TOM1L1: variants seen among roughly 807,000 people sequenced by gnomAD.
The protein encoded by TOM1L1 is TOM1-like protein 1.
A neutral mutation model predicts 63.4 loss-of-function variants in TOM1L1; 64 were observed. The ratio of observed to expected loss-of-function variants is 1.01; its 90% CI spans 0.83 to 1.24. The LOEUF (loss-of-function observed/expected upper bound fraction) is 1.24. Among genes scored for constraint, TOM1L1 ranks in the 50% most tolerant of loss-of-function variants. The pLI, the probability that TOM1L1 is intolerant of heterozygous loss-of-function variation, is 0.00. For synonymous variants in TOM1L1, 166 were observed against 194.4 expected, an observed-to-expected ratio of 0.85 and a Z score of 1.22; for missense variants, 536 against 567.0, an observed-to-expected ratio of 0.95 and a Z score of 0.55.
intron 14 of TOM1L1, among the ~76,000 whole-genome samples, chr17:54,960,248 C>A (rs60736080): frequency 0.29 from 44,599 of 151,810 alleles, 6,870 homozygotes; most frequent in African/African-American, 0.35. Flanking sequence ...CCCTGTAATC[C>A]CAGCTACTCG....
At chr17:54,902,135 G>A (rs950377121) in intron 1 of TOM1L1, among the ~76,000 whole-genome samples, 9 of 152,156 alleles carry the variant, frequency 5.9e-5, no homozygotes, top group African/African-American at 2.2e-4. Flanking sequence ...GTTTTGTGTG[G>A]CACCTTTGCA....
intron 1 of TOM1L1, among the ~76,000 whole-genome samples, chr17:54,901,422 G>C (rs917446884): frequency 2.0e-5 from 3 of 152,218 alleles, no homozygotes; most frequent in African/African-American, 7.2e-5. Context: ...TTACTTTTCT[G>C]GGTAAACAAA....
intron 11 of TOM1L1, among the ~76,000 whole-genome samples, chr17:54,942,839 T>C (rs2049053755): frequency 6.6e-6 from 1 of 152,188 alleles, no homozygotes; most frequent in African/African-American, 2.4e-5. Flanking sequence ...GTCACACCCT[T>C]GTACCCCTGA....
At chr17:54,940,779 C>T (rs2049021868) in intron 11 of TOM1L1, among the ~76,000 whole-genome samples, 1 of 151,284 alleles carries the variant, frequency 6.6e-6, no homozygotes, top group Non-Finnish European at 1.5e-5. Flanking sequence ...CATAAAGAAA[C>T]AAGAATGATA....
intron 7 of TOM1L1, among the ~76,000 whole-genome samples, chr17:54,919,249 T>G (rs1013779940): frequency 6.6e-6 from 1 of 152,208 alleles, no homozygotes; most frequent in Non-Finnish European, 1.5e-5. Context: ...TAAACTAAAA[T>G]TGAAAAATTA....
Position 54,908,108 on chromosome 17 carries a change from T to A in TOM1L1, c.222+2541T>A, listed in dbSNP as rs183869280. Among the ~76,000 whole-genome samples, 73 of 152,284 alleles carry A rather than the reference T, an allele frequency of 4.8e-4. 2 individuals are homozygous for A. The highest frequency in any genetic ancestry group is 3.7e-3 in the East Asian group (19 of 5,184). The stretch of plus-strand genomic sequence containing the variant: ...TTCCCATTATCTGTTCCACCTCAGA[T>A]CTGTAGCTCCCTTACCTCGTGGTTT... On this transcript the variant is annotated intron_variant, in intron 3 of 15. Transcript: ENST00000575882.
intron 8 of TOM1L1, among the ~76,000 whole-genome samples, chr17:54,930,898 G>C (rs998878398): frequency 1.3e-5 from 2 of 151,974 alleles, no homozygotes; most frequent in South Asian, 2.1e-4. Context: ...AGCTGGGTGT[G>C]GTGGTCCTAG....
At chr17:54,921,358 AT>A (rs912067047) in intron 7 of TOM1L1, among the ~76,000 whole-genome samples, 92 of 152,334 alleles carry the variant, frequency 6.0e-4, no homozygotes, top group African/African-American at 2.1e-3. Flanking sequence ...TCTATATAGC[AT>A]TTTTTAAATT....
rs554395095 is a variant in TOM1L1 at position 54,943,266 on chromosome 17, T to C, written c.1131-3995T>C. 2.6e-5 allele frequency among the ~76,000 whole-genome samples: 4 copies of C among 152,310 alleles called. No individual in the cohort carries two copies. In the East Asian group the frequency reaches 7.7e-4, roughly 29 times the overall value. On this transcript the variant is annotated intron_variant, in intron 11 of 15. Transcript: ENST00000575882. ...TTCTCATAATCTCTTTTAATTGATA[T>C]GTTAGGCAATTTACATTTAATTTAA...
chr17:54,904,152 G>A (rs2143723206), intron 2 of TOM1L1, among the ~76,000 whole-genome samples: 1 of 152,238 alleles, frequency 6.6e-6, no homozygotes, highest in African/African-American at 2.4e-5. Context: ...CGGATCATGA[G>A]GTCGGGAGAT....
intron 1 of TOM1L1, chr17:54,901,152 C>T (rs60584762): frequency 0.015 from 9,036 of 616,560 alleles, 280 homozygotes; most frequent in African/African-American, 0.078. Flanking sequence ...ACCTTCCTTT[C>T]GATGCCGCCT....
intron 10 of TOM1L1, 182 bp downstream of exon 10, chr17:54,937,408 G>C (rs932929504): frequency 1.6e-4 from 92 of 583,132 alleles, no homozygotes; most frequent in African/African-American, 1.5e-3. Flanking sequence ...ATAGCAATGG[G>C]ATGTGTCTGG....
chr17:54,919,872 A>T (rs897059410), intron 7 of TOM1L1, among the ~76,000 whole-genome samples: 3 of 152,174 alleles, frequency 2.0e-5, no homozygotes, highest in African/African-American at 4.8e-5. Context: ...TTCTATGGAG[A>T]AAAAGGACAA....
At position 54,905,559 on chromosome 17, in the gene TOM1L1, A is replaced by G. The variant is rs1316703025; in HGVS notation, c.214A>G (p.Thr72Ala). The G allele has an allele frequency of 1.3e-6, 2 of 1,581,690 alleles. No homozygotes were observed. Among genetic ancestry groups the G allele is most frequent in the East Asian group, 2.2e-5 (1 of 44,688 alleles). Residue 72 changes from threonine (T) to alanine (A), a missense_variant, in exon 3 of 16, where the codon ACC becomes GCC. Thr to Ala is a moderately conservative substitution (Grantham distance 58, BLOSUM62 0). Coordinates refer to ENST00000575882, the MANE Select transcript of TOM1L1 (RefSeq NM_005486.3). ...KNYNHKEIQL[T>A]LSLIDMCVQN... ...CTACAATCATAAAGAAATCCAACTTACCTTGTCAGTAAGTACTTTAATTTT... is the reference window on the plus strand; with the variant it reads ...CTACAATCATAAAGAAATCCAACTTGCCTTGTCAGTAAGTACTTTAATTTT...
intron 14 of TOM1L1, among the ~76,000 whole-genome samples, chr17:54,956,484 A>G (rs8066744): frequency 6.6e-6 from 1 of 151,934 alleles, no homozygotes; most frequent in African/African-American, 2.4e-5. Context: ...TTTTTTGTAT[A>G]TTTAGTAGAG....
rs773856127 is a variant in TOM1L1 at position 54,930,109 on chromosome 17, A to G, written c.757A>G (p.Ile253Val). The change falls in exon 8 of 16, where the codon ATC becomes GTC. Residue 253 changes from isoleucine to valine, a missense_variant. Physicochemically the swap from Ile to Val is conservative, Grantham distance 29 (BLOSUM62 3). Transcript: ENST00000575882. ...AACAGGTCGGGAGATGCAGGAGAGGATCATGGACCTGCTTGTGGTGGTGGA... is the reference window on the plus strand; with the variant it reads ...AACAGGTCGGGAGATGCAGGAGAGGGTCATGGACCTGCTTGTGGTGGTGGA... ...YKTGREMQER[I>V]MDLLVVVENE... 31 of 1,614,014 alleles carry G rather than the reference A, an allele frequency of 1.9e-5. No individual in the cohort carries two copies. Among genetic ancestry groups the G allele is most frequent in the African/African-American group, 2.7e-5 (2 of 74,924 alleles).
chr17:54,954,979 T>A (rs1350509316), intron 14 of TOM1L1: 3 of 152,140 alleles, frequency 2.0e-5, no homozygotes, highest in African/African-American at 7.2e-5. Flanking sequence ...TAATATATCA[T>A]TTGCTTTTTG....
chr17:54,925,384 G>A (rs1427135631), intron 7 of TOM1L1, among the ~76,000 whole-genome samples: 1 of 152,194 alleles, frequency 6.6e-6, no homozygotes, highest in East Asian at 1.9e-4. Flanking sequence ...CAGCCAGCAT[G>A]CCTGTTGGCT....
chr17:54,944,170 G>A (rs927706920), intron 11 of TOM1L1, among the ~76,000 whole-genome samples: 8 of 152,046 alleles, frequency 5.3e-5, no homozygotes, highest in East Asian at 1.9e-4. Flanking sequence ...AGAAGTGGCC[G>A]GGCGTGGTGG....
Sources: allele counts gnomAD v4.1 joint callset (sites outside exome capture counted in the v4.1 genomes callset), GRCh38; gene constraint gnomAD v4.1.1; transcripts MANE v1.5; gene names NCBI Gene and HGNC (gene_info 2026-07-23, HGNC 2026-07-21).